Variants in CDH13 observed in about 807,000 individuals in gnomAD.
The protein encoded by CDH13 is cadherin 13.
Under a neutral mutation model 63.8 loss-of-function variants are expected in CDH13, and 24 were observed. The observed-to-expected ratio is 0.38, with a 90% CI of 0.27 to 0.53. The LOEUF is 0.53. Among genes scored for constraint, CDH13 ranks in the 20% least tolerant of loss-of-function variants. The probability of loss-of-function intolerance (pLI) is 0.85; values close to 1 mark genes in which losing one functional copy is unlikely to be tolerated. For missense variants in CDH13, 1,049 were observed against 903.1 expected, an observed-to-expected ratio of 1.16 and a Z score of -2.07; for synonymous variants, 503 against 355.3, an observed-to-expected ratio of 1.42 and a Z score of -4.67.
At chr16:82,757,067 C>G (rs1033673879) in intron 1 of CDH13, among the ~76,000 whole-genome samples, 1 of 152,136 alleles carries the variant, frequency 6.6e-6, no homozygotes, top group African/African-American at 2.4e-5. Context: ...CATTGACGCT[C>G]CTCCATCACT....
At position 82,952,744 on chromosome 16, in the gene CDH13, C is replaced by T. The variant is rs117015553; in HGVS notation, c.158-79266C>T. The stretch of plus-strand genomic sequence containing the variant: ...TGCAGCCCACTGGCCCCTCCAGGTC[C>T]ACTGTCCACCATTCTCTACTCTCTG... On this transcript the variant is annotated intron_variant, in intron 2 of 13. Transcript: ENST00000567109. Among the ~76,000 whole-genome samples the T allele has an allele frequency of 4.3e-3, 659 of 152,294 alleles. 1 individual carries two copies. The highest frequency in any genetic ancestry group is 7.2e-3 in the Non-Finnish European group (490 of 68,016).
intron 1 of CDH13, among the ~76,000 whole-genome samples, chr16:82,676,225 G>A (rs1250181803): frequency 6.6e-6 from 1 of 152,080 alleles, no homozygotes; most frequent in African/African-American, 2.4e-5. Context: ...TATACCCACT[G>A]CCTACTTGAC....
At chr16:83,205,781 T>C (rs2039165186) in intron 4 of CDH13, among the ~76,000 whole-genome samples, 1 of 151,960 alleles carries the variant, frequency 6.6e-6, no homozygotes. Context: ...ATTTTTTATA[T>C]TTTACTAGAG....
chr16:82,713,290 C>T lies in CDH13; in HGVS notation c.45+86153C>T, dbSNP rs150859407. Reference sequence around the variant, plus strand: ...GGATCTGCAACTGGAACATGCTCTCCAGGCAATTCTATACACACTGGTATC... The same window carrying T: ...GGATCTGCAACTGGAACATGCTCTCTAGGCAATTCTATACACACTGGTATC... On this transcript the variant is annotated intron_variant, in intron 1 of 13. Transcript: ENST00000567109. Among the ~76,000 whole-genome samples the T allele has an allele frequency of 2.6e-3, 398 of 152,246 alleles. 1 individual carries two copies. Among genetic ancestry groups the T allele is most frequent in the African/African-American group, 9.2e-3 (383 of 41,542 alleles).
At chr16:82,763,884 G>A (rs1476986095) in intron 1 of CDH13, among the ~76,000 whole-genome samples, 1 of 152,120 alleles carries the variant, frequency 6.6e-6, no homozygotes, top group East Asian at 1.9e-4. Flanking sequence ...TGTTGTCCAA[G>A]CTGGTCTTGA....
chr16:83,653,048 G>GA (rs1480845799), intron 8 of CDH13, among the ~76,000 whole-genome samples: 1 of 152,138 alleles, frequency 6.6e-6, no homozygotes, highest in African/African-American at 2.4e-5. Flanking sequence ...AAGTCAGACA[G>GA]AAATGGCCAT....
At chr16:82,643,449 C>G (rs1474075469) in intron 1 of CDH13, among the ~76,000 whole-genome samples, 3 of 152,198 alleles carry the variant, frequency 2.0e-5, no homozygotes, top group African/African-American at 7.2e-5. Context: ...AAACTTGGGG[C>G]TGGCAAGTGG....
chr16:83,006,867 C>A (rs1304658493), intron 2 of CDH13, among the ~76,000 whole-genome samples: 1 of 151,872 alleles, frequency 6.6e-6, no homozygotes, highest in Non-Finnish European at 1.5e-5. Context: ...AAATTTTGCA[C>A]ATTTCATTTT....
At chr16:83,368,305 T>C (rs536246608) in intron 6 of CDH13, among the ~76,000 whole-genome samples, 1 of 152,332 alleles carries the variant, frequency 6.6e-6, no homozygotes, top group African/African-American at 2.4e-5. Context: ...AGATACATAC[T>C]GAGGTAGCAT....
intron 4 of CDH13, among the ~76,000 whole-genome samples, chr16:83,134,800 G>A (rs753717063): frequency 3.9e-5 from 6 of 152,030 alleles, no homozygotes; most frequent in African/African-American, 9.7e-5. Context: ...AAACATAATC[G>A]GGTGGTTTTG....
intron 1 of CDH13, among the ~76,000 whole-genome samples, chr16:82,739,622 C>A (rs1368580631): frequency 6.6e-6 from 1 of 152,144 alleles, no homozygotes; most frequent in Non-Finnish European, 1.5e-5. Context: ...TAAATGAAGA[C>A]ACGGGAATTT....
chr16:82,827,991 G>A (rs958348902), intron 1 of CDH13, among the ~76,000 whole-genome samples: 1 of 152,134 alleles, frequency 6.6e-6, no homozygotes, highest in Non-Finnish European at 1.5e-5. Context: ...TTGACACAGA[G>A]AGTCTCACAC....
chr16:83,555,277 TTGC>T (rs139990580), intron 7 of CDH13, among the ~76,000 whole-genome samples: 1,769 of 152,294 alleles, frequency 0.012, 34 homozygotes, highest in African/African-American at 0.041. Flanking sequence ...TCTTAGAACC[TTGC>T]TGCTCAAAGT....
intron 7 of CDH13, among the ~76,000 whole-genome samples, chr16:83,563,394 G>C (rs554675063): frequency 6.6e-6 from 1 of 152,282 alleles, no homozygotes; most frequent in Admixed American, 6.5e-5. Context: ...TGTTTTTGAA[G>C]CTGTAATTTT....
At chr16:83,393,985 C>G (rs902554013) in intron 6 of CDH13, among the ~76,000 whole-genome samples, 1 of 152,116 alleles carries the variant, frequency 6.6e-6, no homozygotes, top group African/African-American at 2.4e-5. Context: ...CCTTAGCAAA[C>G]TAAGGCAGGA....
chr16:83,138,162 AAGAG>A lies in CDH13; in HGVS notation c.483+12664_483+12667del, dbSNP rs576861123. Among the ~76,000 whole-genome samples the A allele has an allele frequency of 3.1e-3, 470 of 152,262 alleles. 1 individual carries two copies. The highest frequency in any genetic ancestry group is 4.8e-3 in the Non-Finnish European group (327 of 68,014). On this transcript the variant is annotated intron_variant, in intron 4 of 13. Coordinates refer to ENST00000567109, the MANE Select transcript of CDH13 (RefSeq NM_001257.5). Reference sequence around the variant, plus strand: ...GGTGGTTTGGGACAAGTGATGAAGAAAGAGAGTCAGTTGATGCCTCTTGAGCAGG... The same window carrying A: ...GGTGGTTTGGGACAAGTGATGAAGAAAGTCAGTTGATGCCTCTTGAGCAGG...
At chr16:82,710,943 T>TTA (rs1555537928) in intron 1 of CDH13, among the ~76,000 whole-genome samples, 3 of 151,430 alleles carry the variant, frequency 2.0e-5, no homozygotes, top group African/African-American at 7.3e-5. Flanking sequence ...ATTTTTTTTT[T>TTA]ACCCCAACAT....
At chr16:83,455,047 T>C (rs544123117) in intron 6 of CDH13, among the ~76,000 whole-genome samples, 1 of 152,338 alleles carries the variant, frequency 6.6e-6, no homozygotes, top group Admixed American at 6.5e-5. Context: ...GCTTATTTAA[T>C]TTTCAAAGTA....
chr16:83,037,037 G>T (rs1314225692), intron 3 of CDH13, among the ~76,000 whole-genome samples: 1 of 152,208 alleles, frequency 6.6e-6, no homozygotes, highest in Non-Finnish European at 1.5e-5. Flanking sequence ...TGGAGCCACT[G>T]TAGGTTCTTA....
Sources: gnomAD v4.1 joint callset for allele counts (sites outside exome capture counted in the v4.1 genomes callset) on GRCh38, gnomAD v4.1.1 for gene constraint, MANE v1.5 for transcripts, NCBI Gene and HGNC (gene_info 2026-07-23, HGNC 2026-07-21) for gene names.